Variants in ADAM9 observed in about 807,000 individuals in gnomAD.
ADAM9 encodes ADAM metallopeptidase domain 9.
ADAM9 carries 54 observed loss-of-function variants against 108.1 expected under a neutral mutation model. The observed-to-expected ratio is 0.50, with a 90% CI of 0.40 to 0.63. The LOEUF (loss-of-function observed/expected upper bound fraction) is 0.63, where lower values mean the gene tolerates loss of function less well. Among genes scored for constraint, ADAM9 ranks in the 20% least tolerant of loss-of-function variants. ADAM9 has a pLI of 0.00. For missense variants in ADAM9, 830 were observed against 997.7 expected, an observed-to-expected ratio of 0.83 and a Z score of 2.26; for synonymous variants, 316 against 336.0, an observed-to-expected ratio of 0.94 and a Z score of 0.65.
intron 16 of ADAM9, among the ~76,000 whole-genome samples, chr8:39,081,057 G>A (rs1489704994): frequency 6.7e-6 from 1 of 148,672 alleles, no homozygotes; most frequent in East Asian, 2.0e-4. Context: ...GGGTTCAAAC[G>A]ATTCTGCTGC....
chr8:39,028,404 G>A (rs1836994074), intron 11 of ADAM9, among the ~76,000 whole-genome samples: 1 of 152,196 alleles, frequency 6.6e-6, no homozygotes, highest in African/African-American at 2.4e-5. Context: ...TCATATGTTT[G>A]TAAAAGATTT....
chr8:39,069,027 C>T (rs1838589403), intron 14 of ADAM9, among the ~76,000 whole-genome samples: 1 of 152,156 alleles, frequency 6.6e-6, no homozygotes, highest in South Asian at 2.1e-4. Flanking sequence ...CCACCTGCCC[C>T]TCCTTATTCT....
chr8:39,047,902 A>G (rs1291761697), intron 12 of ADAM9, among the ~76,000 whole-genome samples: 2 of 149,510 alleles, frequency 1.3e-5, no homozygotes, highest in Admixed American at 6.7e-5. Context: ...TTTTTAATAT[A>G]GGTTATCACA....
intron 11 of ADAM9, among the ~76,000 whole-genome samples, chr8:39,027,836 A>G (rs1836970625): frequency 6.6e-6 from 1 of 152,104 alleles, no homozygotes; most frequent in African/African-American, 2.4e-5. Context: ...AATCTCAGCA[A>G]TTAGGGAGGA....
At chr8:39,005,951 C>T (rs1419265379) in intron 1 of ADAM9, among the ~76,000 whole-genome samples, 1 of 152,192 alleles carries the variant, frequency 6.6e-6, no homozygotes, top group Non-Finnish European at 1.5e-5. Context: ...AAGCAGAGCT[C>T]AGCCATGGGT....
chr8:39,050,751 T>C (rs151165731), intron 12 of ADAM9, among the ~76,000 whole-genome samples: 41 of 152,134 alleles, frequency 2.7e-4, no homozygotes, highest in Middle Eastern at 3.4e-3. Flanking sequence ...GAAGTGAATT[T>C]GTTGGGCAAT....
intron 7 of ADAM9, 104 bp downstream of exon 7, chr8:39,019,022 T>G: frequency 8.8e-7 from 1 of 1,131,490 alleles, no homozygotes; most frequent in Non-Finnish European, 1.3e-6. Context: ...TGATTTTACT[T>G]AAATAATGAT....
At position 39,056,898 on chromosome 8, in the gene ADAM9, A is replaced by T. The variant is rs142409506; in HGVS notation, c.1591+1126A>T. ...TAGGGTTCTCTAGAGAAATGGAACCATTGTGTTGTGCGTTTATGTATACAG... is the reference window on the plus strand; with the variant it reads ...TAGGGTTCTCTAGAGAAATGGAACCTTTGTGTTGTGCGTTTATGTATACAG... On this transcript the variant is annotated intron_variant, in intron 14 of 21. Transcript: ENST00000487273. 3.3e-5 allele frequency among the ~76,000 whole-genome samples: 5 copies of T among 152,292 alleles called. No homozygotes were observed. In the East Asian group the frequency reaches 9.6e-4, roughly 29 times the overall value.
intron 15 of ADAM9, 37 bp downstream of exon 15, chr8:39,071,440 T>G: frequency 2.1e-6 from 3 of 1,460,188 alleles, no homozygotes; most frequent in Non-Finnish European, 2.9e-6. Context: ...ATATGAAAGA[T>G]TATAAGATCC....
chr8:39,033,452 T>C (rs1025075209), intron 11 of ADAM9, among the ~76,000 whole-genome samples: 1 of 152,000 alleles, frequency 6.6e-6, no homozygotes, highest in African/African-American at 2.4e-5. Flanking sequence ...AATCTGATAT[T>C]GCTTTACCTT....
rs573029116 is a variant in ADAM9, at chr8:39,039,534, C to A, written c.1131-2412C>A. ...GTCTTACATATCTGCTACTTTGTAT[C>A]AGACCTACATGTCCCATTTCCTCCA... On this transcript the variant is annotated intron_variant, in intron 11 of 21. Transcript: ENST00000487273. Among the ~76,000 whole-genome samples, 3 of 152,326 alleles carry A rather than the reference C, an allele frequency of 2.0e-5. No individual in the cohort carries two copies. The South Asian group carries it at 6.2e-4, about 32-fold the overall frequency.
At chr8:39,062,887 C>T (rs1171053870) in intron 14 of ADAM9, among the ~76,000 whole-genome samples, 2 of 152,142 alleles carry the variant, frequency 1.3e-5, no homozygotes, top group Non-Finnish European at 2.9e-5. Context: ...ACATTTTAGT[C>T]TCCCTCAGAC....
intron 20 of ADAM9, among the ~76,000 whole-genome samples, chr8:39,092,932 T>C (rs1839399284): frequency 6.6e-6 from 1 of 152,168 alleles, no homozygotes; most frequent in African/African-American, 2.4e-5. Context: ...AGTTGTGGAT[T>C]TGGGGTTCTC....
intron 18 of ADAM9, among the ~76,000 whole-genome samples, chr8:39,083,415 A>G (rs4130393): frequency 0.12 from 17,995 of 152,176 alleles, 1,170 homozygotes; most frequent in Middle Eastern, 0.28. Flanking sequence ...CTGCATTGCT[A>G]TTAGAATGAA....
chr8:39,004,553 G>T (rs1025217940), intron 1 of ADAM9, among the ~76,000 whole-genome samples: 14 of 152,128 alleles, frequency 9.2e-5, no homozygotes, highest in African/African-American at 2.7e-4. Context: ...TACTTAAAGA[G>T]AATTTTTTTT....
chr8:39,087,915 C>G (rs967870142), intron 18 of ADAM9, among the ~76,000 whole-genome samples: 18 of 152,038 alleles, frequency 1.2e-4, no homozygotes, highest in African/African-American at 4.1e-4. Context: ...GAAGACTTAC[C>G]AATAACATAA....
intron 11 of ADAM9, among the ~76,000 whole-genome samples, chr8:39,036,749 G>A (rs933065767): frequency 3.9e-5 from 6 of 152,128 alleles, no homozygotes; most frequent in African/African-American, 1.4e-4. Flanking sequence ...GCATTTTAAA[G>A]TCTCACTGAA....
rs1837469721 is a variant in ADAM9, at chr8:39,042,015, C to T, written c.1200C>T (p.Asn400=). The part of the protein sequence containing the change: ...FEKLTLNKGG[N]CLLNIPKPDE... Reference sequence around the variant, plus strand: ...AGTTAACTTTAAATAAAGGAGGAAACTGCCTTCTTAATATTCCAAAGCCTG... The same window carrying T: ...AGTTAACTTTAAATAAAGGAGGAAATTGCCTTCTTAATATTCCAAAGCCTG... The change falls in exon 12 of 22, where the codon AAC becomes AAT. Residue 400 remains asparagine (N), a synonymous_variant. Coordinates refer to ENST00000487273, the MANE Select transcript of ADAM9 (RefSeq NM_003816.3). 6 of 1,613,962 alleles carry T rather than the reference C, an allele frequency of 3.7e-6. No individual in the cohort carries two copies. Among genetic ancestry groups the T allele is most frequent in the Non-Finnish European group, 5.1e-6 (6 of 1,179,944 alleles).
intron 11 of ADAM9, among the ~76,000 whole-genome samples, chr8:39,030,019 C>A (rs1163756811): frequency 1.3e-5 from 2 of 152,020 alleles, no homozygotes; most frequent in Admixed American, 1.3e-4. Flanking sequence ...ACTTTCTGTC[C>A]CCACACTTGC....
Sources: gnomAD v4.1 joint callset for allele counts (sites outside exome capture counted in the v4.1 genomes callset) on GRCh38, gnomAD v4.1.1 for gene constraint, MANE v1.5 for transcripts, NCBI Gene and HGNC (gene_info 2026-07-23, HGNC 2026-07-21) for gene names.